ENPP1: variants seen among roughly 807,000 people sequenced by gnomAD.
ENPP1 encodes the protein ectonucleotide pyrophosphatase/phosphodiesterase family member 1.
A neutral mutation model predicts 122.8 loss-of-function variants in ENPP1; 73 were observed. That is an observed-to-expected ratio of 0.59 (90% CI 0.49 to 0.72). The LOEUF is 0.72. Ranked by LOEUF, ENPP1 falls within the 30% of genes least tolerant of loss-of-function variation. The probability of loss-of-function intolerance (pLI) is 0.00; values close to 1 mark genes in which losing one functional copy is unlikely to be tolerated. For synonymous variants in ENPP1, 367 were observed against 391.6 expected, an observed-to-expected ratio of 0.94 and a Z score of 0.74; for missense variants, 978 against 1,128.1, an observed-to-expected ratio of 0.87 and a Z score of 1.91.
intron 1 of ENPP1, among the ~76,000 whole-genome samples, chr6:131,810,179 T>C (rs1462543778): frequency 6.6e-6 from 1 of 152,082 alleles, no homozygotes; most frequent in Non-Finnish European, 1.5e-5. Flanking sequence ...GGCAACATGA[T>C]GAAACCCATC....
intron 11 of ENPP1, among the ~76,000 whole-genome samples, chr6:131,867,065 T>C (rs1233666946): frequency 1.3e-5 from 2 of 152,242 alleles, no homozygotes; most frequent in African/African-American, 4.8e-5. Flanking sequence ...GTTGAGCCCA[T>C]TACTTTTCAA....
chr6:131,828,478 A>G (rs762032240), intron 1 of ENPP1: 2 of 242,282 alleles, frequency 8.3e-6, no homozygotes, highest in East Asian at 1.3e-4. Context: ...AAATGCTTCA[A>G]TCAGGTGATC....
chr6:131,887,953 C>T (rs1226665112), intron 24 of ENPP1, among the ~76,000 whole-genome samples: 5 of 140,668 alleles, frequency 3.6e-5, no homozygotes, highest in East Asian at 4.4e-4. Flanking sequence ...CTCCGCTTCC[C>T]GGGCTCAAGC....
chr6:131,890,230 C>A, intron 24 of ENPP1, 111 bp from the exon 25 acceptor site: 1 of 867,352 alleles, frequency 1.2e-6, no homozygotes, highest in Non-Finnish European at 2.0e-6. Flanking sequence ...TGGCACGTTC[C>A]ACTTCAGAGC....
rs749866787 is a variant in ENPP1, at chr6:131,850,008, G to A, written c.332G>A (p.Arg111His). The change falls in exon 3 of 25, where the codon CGC (arginine) becomes CAC (histidine). Residue 111 changes from arginine to histidine, a missense_variant. Arg to His is a conservative substitution (Grantham distance 29). Transcript: ENST00000647893. Reference sequence around the variant, plus strand: ...TTTTCAGTTAAAAGTTGCAAAGGTCGCTGTTTCGAGAGAACATTTGGGAAC... The same window carrying A: ...TTTTCAGTTAAAAGTTGCAAAGGTCACTGTTTCGAGAGAACATTTGGGAAC... ...CAKEVKSCKGRCFERTFGNCR... is the reference protein window; with the variant it reads ...CAKEVKSCKGHCFERTFGNCR... 1.8e-5 allele frequency: 29 copies of A among 1,613,612 alleles called. No homozygotes were observed. Among genetic ancestry groups the A allele is most frequent in the Non-Finnish European group, 2.4e-5 (28 of 1,179,540 alleles).
In ENPP1 at chr6:131,883,709, C is replaced by G; in HGVS notation, c.2246C>G (p.Ser749Ter). Residue 749 changes from serine (S) to a stop codon, truncating the protein, a stop_gained, in exon 22 of 25, where the codon TCA becomes TGA. Transcript: ENST00000647893. LOFTEE classifies it high-confidence loss of function. Reference protein sequence around the residue: ...FLSPPQLNKNSSGIYSEALLT... With the variant: ...FLSPPQLNKN ...CTCTTTGTAGAACTAAATAAAAATTCAAGTGGAATATATTCTGAAGCTTTG... is the reference window on the plus strand; with the variant it reads ...CTCTTTGTAGAACTAAATAAAAATTGAAGTGGAATATATTCTGAAGCTTTG... 20 of 1,470,376 alleles carry G rather than the reference C, an allele frequency of 1.4e-5. No individual in the cohort carries two copies. Among genetic ancestry groups the G allele is most frequent in the Non-Finnish European group, 1.8e-5 (19 of 1,050,318 alleles). The allele number at this position is 1,470,376 out of a possible 1,614,324, so 91.1% of individuals were successfully genotyped here. A position where few individuals can be genotyped will look rare whatever the true frequency, so the allele number is the denominator to read the frequency against.
rs562711925 is a variant in ENPP1, at chr6:131,881,814, C to T, written c.2101-531C>T. Among the ~76,000 whole-genome samples the T allele has an allele frequency of 4.6e-5, 7 of 151,936 alleles. No individual in the cohort carries two copies. The East Asian group carries it at 9.7e-4, about 21-fold the overall frequency. ...CGGATGGATCACCTGAGGTCAGGAG[C>T]TCAAGACCAGCCTTGCCAACATGGT... On this transcript the variant is annotated intron_variant, in intron 20 of 24. Coordinates refer to ENST00000647893, the MANE Select transcript of ENPP1 (RefSeq NM_006208.3).
chr6:131,810,722 AGTTGC>A (rs150735045), intron 1 of ENPP1, among the ~76,000 whole-genome samples: 2,293 of 152,304 alleles, frequency 0.015, 67 homozygotes, highest in African/African-American at 0.053. Context: ...TAAATAGAAG[AGTTGC>A]GTTGCCTTGC....
At chr6:131,854,472 GA>G (rs1377491373) in intron 5 of ENPP1, among the ~76,000 whole-genome samples, 4 of 152,042 alleles carry the variant, frequency 2.6e-5, no homozygotes, top group Non-Finnish European at 5.9e-5. Flanking sequence ...TATACTATAT[GA>G]AGTACTATTT....
chr6:131,812,888 A>G (rs1164008256), intron 1 of ENPP1, among the ~76,000 whole-genome samples: 1 of 152,130 alleles, frequency 6.6e-6, no homozygotes, highest in Non-Finnish European at 1.5e-5. Flanking sequence ...TGCCCAGGCT[A>G]GAGTGCAATA....
chr6:131,862,690 T>C (rs1782039527), intron 9 of ENPP1, among the ~76,000 whole-genome samples: 1 of 152,182 alleles, frequency 6.6e-6, no homozygotes, highest in South Asian at 2.1e-4. Flanking sequence ...TGGTGTCAGC[T>C]GATACATGGA....
Position 131,890,439 on chromosome 6 carries a change from A to G in ENPP1, c.2706A>G (p.Gln902=). The part of the protein sequence containing the change: ...VEHITGLSFY[Q]QRKEPVSDIL... The stretch of plus-strand genomic sequence containing the variant: ...ACATCACTGGACTCAGCTTCTATCA[A>G]CAAAGAAAAGAGCCAGTTTCAGACA... The change falls in exon 25 of 25, where the codon CAA becomes CAG. Residue 902 remains glutamine (Q), a synonymous_variant. Coordinates refer to ENST00000647893, the MANE Select transcript of ENPP1 (RefSeq NM_006208.3). 6.2e-7 allele frequency: 1 copy of G among 1,613,934 alleles called. No homozygotes were observed. Among genetic ancestry groups the G allele is most frequent in the Non-Finnish European group, 8.5e-7 (1 of 1,179,750 alleles).
chr6:131,882,152 C>T (rs1006969280), intron 20 of ENPP1, among the ~76,000 whole-genome samples, 193 bp from the exon 21 acceptor site: 1 of 151,520 alleles, frequency 6.6e-6, no homozygotes, highest in Non-Finnish European at 1.5e-5. Flanking sequence ...CAATTAATAT[C>T]TTTAATATTG....
chr6:131,883,779 A>C lies in ENPP1; in HGVS notation c.2311+5A>C. 7.2e-7 allele frequency: 1 copy of C among 1,380,168 alleles called. No homozygotes were observed. Among genetic ancestry groups the C allele is most frequent in the Non-Finnish European group, 1.0e-6 (1 of 967,446 alleles). 85.5% of individuals were successfully genotyped at this position (1,380,168 alleles called of 1,614,324 possible). A position where few individuals can be genotyped will look rare whatever the true frequency, so the allele number is the denominator to read the frequency against. On this transcript the variant is annotated splice_donor_5th_base_variant and intron_variant, in intron 22 of 24. Transcript: ENST00000647893. ...CAATGTACCAGAGTTTTCAAGGTAA[A>C]TAATGTTAACTCTATATTTGATAAT...
At chr6:131,866,067 G>A (rs1782087195) in intron 11 of ENPP1, among the ~76,000 whole-genome samples, 1 of 151,800 alleles carries the variant, frequency 6.6e-6, no homozygotes, top group Non-Finnish European at 1.5e-5. Context: ...CTTTCCTTCT[G>A]ATATATATTT....
In ENPP1 at chr6:131,847,856, GGTGTGT is replaced by G. The variant is rs59956343; in HGVS notation, c.313+41_313+46del. The stretch of plus-strand genomic sequence containing the variant: ...CAAGCTGTGCCAAAGAAGGTAATTA[GGTGTGT>G]GTGTGTGTGTGTGTGTGTGTGTGTG... On this transcript the variant is annotated intron_variant, in intron 2 of 24. Coordinates refer to ENST00000647893, the MANE Select transcript of ENPP1 (RefSeq NM_006208.3). 8,930 of 1,180,416 alleles carry G rather than the reference GGTGTGT, an allele frequency of 7.6e-3. 74 individuals carry two copies. Among genetic ancestry groups the G allele is most frequent in the African/African-American group, 0.068 (3,985 of 58,612 alleles). The allele number at this position is 1,180,416 out of a possible 1,614,324, so 73.1% of individuals were successfully genotyped here.
chr6:131,880,181 G>T, intron 20 of ENPP1, 147 bp downstream of exon 20: 1 of 872,760 alleles, frequency 1.1e-6, no homozygotes, highest in Admixed American at 1.8e-5. Context: ...GAAAAATTCA[G>T]TTCCAGTTCA....
intron 24 of ENPP1, among the ~76,000 whole-genome samples, chr6:131,889,878 A>G (rs1040098391): frequency 6.6e-6 from 1 of 152,208 alleles, no homozygotes; most frequent in Admixed American, 6.5e-5. Flanking sequence ...TGTCTTCCAC[A>G]GTGGTTGCAC....
At chr6:131,859,868 C>T (rs1379192373) in intron 7 of ENPP1, among the ~76,000 whole-genome samples, 2 of 152,124 alleles carry the variant, frequency 1.3e-5, no homozygotes, top group Non-Finnish European at 2.9e-5. Context: ...GGAGCCTGGC[C>T]AGGGAGTGAG....
Sources: gnomAD v4.1 joint callset for allele counts (sites outside exome capture counted in the v4.1 genomes callset) on GRCh38, gnomAD v4.1.1 for gene constraint, MANE v1.5 for transcripts, NCBI Gene and HGNC (gene_info 2026-07-23, HGNC 2026-07-21) for gene names.